Variants in BMPR1B observed in about 807,000 individuals in gnomAD.
The protein encoded by BMPR1B is bone morphogenetic protein receptor type 1B, also known as bone morphogenetic protein receptor type-1B.
A neutral mutation model predicts 59.1 loss-of-function variants in BMPR1B; 12 were observed. The ratio of observed to expected loss-of-function variants is 0.20; its 90% CI spans 0.13 to 0.33. The LOEUF (loss-of-function observed/expected upper bound fraction) is 0.33, where lower values mean the gene tolerates loss of function less well. BMPR1B is among the 10% of genes least tolerant of loss of function. The pLI is 1.00. For synonymous variants in BMPR1B, 237 were observed against 207.3 expected (o/e 1.14, Z -1.23); for missense variants, 550 against 610.9 (o/e 0.90, Z 1.05).
chr4:95,009,531 A>G (rs1457132245), intron 3 of BMPR1B, among the ~76,000 whole-genome samples: 1 of 152,194 alleles, frequency 6.6e-6, no homozygotes, highest in East Asian at 1.9e-4. Context: ...CAAAAAATAC[A>G]TACAACATGA....
intron 3 of BMPR1B, among the ~76,000 whole-genome samples, chr4:95,071,489 G>C (rs1486513253): frequency 1.3e-5 from 2 of 151,760 alleles, no homozygotes; most frequent in African/African-American, 4.8e-5. Context: ...ATCTCATACT[G>C]ATACTTTGCA....
rs10008028 is a variant in BMPR1B at position 94,820,172 on chromosome 4, G to A, written c.-182-55659G>A. ...ATCAAGACCCCCATTATGTACCTGT[G>A]GAAGGGAAGAGAGAAAGAATTTTCT... is the stretch of plus-strand genomic sequence containing the variant. On this transcript the variant is annotated intron_variant, in intron 1 of 12. Transcript: ENST00000515059. Among the ~76,000 whole-genome samples the A allele has an allele frequency of 7.4e-3, 1,133 of 152,266 alleles. 17 individuals carry two copies. The highest frequency in any genetic ancestry group is 0.026 in the African/African-American group (1,085 of 41,540).
chr4:94,808,417 G>T (rs4416484), intron 1 of BMPR1B, among the ~76,000 whole-genome samples: 8,014 of 152,130 alleles, frequency 0.053, 549 homozygotes, highest in East Asian at 0.16. Flanking sequence ...AATGGCTACT[G>T]AATGTTAGAT....
chr4:95,026,602 T>TAA (rs1208882738), intron 3 of BMPR1B, among the ~76,000 whole-genome samples: 3 of 152,146 alleles, frequency 2.0e-5, no homozygotes, highest in Non-Finnish European at 4.4e-5. Flanking sequence ...GCCCTAATCT[T>TAA]ACTTTTCTAA....
chr4:95,148,768 T>G lies in BMPR1B; in HGVS notation c.1097T>G (p.Ile366Arg), dbSNP rs1025931662. ...KFISDTNEVD[I>R]PPNTRVGTKR... ...CTTAGTGATACAAATGAAGTTGACA[T>G]ACCACCTAACACTCGAGTTGGCACC... Residue 366 changes from isoleucine to arginine, a missense_variant, in exon 11 of 13, where the codon ATA becomes AGA. Ile to Arg is a moderately conservative substitution (Grantham distance 97). This residue lies in a region of BMPR1B where 318 missense variants were observed against 284.6 expected (regional missense o/e 1.12). Transcript: ENST00000515059. 1 of 1,613,914 alleles carries G rather than the reference T, an allele frequency of 6.2e-7. No individual in the cohort carries two copies. The highest frequency in any genetic ancestry group is 1.3e-5 in the African/African-American group (1 of 74,924).
intron 3 of BMPR1B, among the ~76,000 whole-genome samples, chr4:95,015,182 G>A (rs1442278605): frequency 6.6e-6 from 1 of 152,140 alleles, no homozygotes; most frequent in Non-Finnish European, 1.5e-5. Flanking sequence ...GCTGTATGCT[G>A]TGGTGATCTT....
In BMPR1B at chr4:94,986,983, G is replaced by C. The variant is rs549084362; in HGVS notation, c.-112-9057G>C. ...GTGAACCCAGGAGGCGGAGCTTGCA[G>C]TGAGCCGAGATCGCGCCACTGCACT... On this transcript the variant is annotated intron_variant, in intron 2 of 12. Coordinates refer to ENST00000515059, the MANE Select transcript of BMPR1B (RefSeq NM_001203.3). Among the ~76,000 whole-genome samples the C allele has an allele frequency of 4.0e-5, 6 of 150,084 alleles. No individual in the cohort carries two copies. The South Asian group carries it at 1.3e-3, about 31-fold the overall frequency.
intron 2 of BMPR1B, among the ~76,000 whole-genome samples, chr4:94,930,244 T>C (rs1296444101): frequency 1.3e-5 from 2 of 152,118 alleles, no homozygotes; most frequent in African/African-American, 2.4e-5. Flanking sequence ...GAAACTTCAG[T>C]ATAACATATG....
intron 3 of BMPR1B, among the ~76,000 whole-genome samples, chr4:95,049,392 G>T (rs1726273229): frequency 1.4e-5 from 2 of 141,308 alleles, no homozygotes; most frequent in Admixed American, 1.5e-4. Context: ...GGGATTACAG[G>T]TACGAGCCAA....
chr4:94,916,204 A>G (rs1434449591), intron 2 of BMPR1B, among the ~76,000 whole-genome samples: 1 of 152,208 alleles, frequency 6.6e-6, no homozygotes, highest in Non-Finnish European at 1.5e-5. Context: ...AGGCATTACT[A>G]AAAGATAACT....
chr4:94,902,572 T>C (rs1727873462), intron 2 of BMPR1B, among the ~76,000 whole-genome samples: 1 of 151,612 alleles, frequency 6.6e-6, no homozygotes, highest in South Asian at 2.1e-4. Flanking sequence ...TAGCAAAATG[T>C]TAATATTTAG....
At chr4:95,022,821 T>G (rs1724089738) in intron 3 of BMPR1B, among the ~76,000 whole-genome samples, 1 of 152,122 alleles carries the variant, frequency 6.6e-6, no homozygotes. Flanking sequence ...CTACTGCTAA[T>G]TTAAAGGAAT....
At position 95,061,781 on chromosome 4, in the gene BMPR1B, G is replaced by C. The variant is rs1460793495; in HGVS notation, c.-17-42627G>C. On this transcript the variant is annotated intron_variant, in intron 3 of 12. Transcript: ENST00000515059. Reference sequence around the variant, plus strand: ...CTGTATGTTTAGAAAGCCAAAACAAGGTCTTTGCCACATGATATGTTTGGA... The same window carrying C: ...CTGTATGTTTAGAAAGCCAAAACAACGTCTTTGCCACATGATATGTTTGGA... 2.6e-5 allele frequency among the ~76,000 whole-genome samples: 4 copies of C among 152,210 alleles called. No homozygotes were observed. In the East Asian group the frequency reaches 7.7e-4, roughly 29 times the overall value.
intron 8 of BMPR1B, among the ~76,000 whole-genome samples, chr4:95,128,999 T>G (rs1277866436): frequency 1.3e-5 from 2 of 152,124 alleles, no homozygotes; most frequent in Non-Finnish European, 2.9e-5. Flanking sequence ...TCCCCATTCT[T>G]GGATATTTCC....
In BMPR1B at chr4:94,983,485, C is replaced by T. The variant is rs532232710; in HGVS notation, c.-112-12555C>T. 1.2e-3 allele frequency among the ~76,000 whole-genome samples: 186 copies of T among 152,198 alleles called. No homozygotes were observed. The Middle Eastern group carries it at 0.017, about 14-fold the overall frequency. On this transcript the variant is annotated intron_variant, in intron 2 of 12. Transcript: ENST00000515059. ...ACATCTTATTTTTGCCAAAAAGTTA[C>T]ATGAAATCACATTTAAAAAATTTGA...
intron 3 of BMPR1B, among the ~76,000 whole-genome samples, chr4:95,021,469 C>A (rs749016868): frequency 1.3e-5 from 2 of 152,180 alleles, no homozygotes; most frequent in Non-Finnish European, 2.9e-5. Context: ...ATTATGAAAT[C>A]AATAGCATTA....
At chr4:94,889,852 G>A (rs1370027210) in intron 2 of BMPR1B, among the ~76,000 whole-genome samples, 1 of 152,006 alleles carries the variant, frequency 6.6e-6, no homozygotes, top group African/African-American at 2.4e-5. Flanking sequence ...TTAGGAGGAG[G>A]AGGAAGAAGA....
At chr4:94,980,289 A>G (rs1383272325) in intron 2 of BMPR1B, among the ~76,000 whole-genome samples, 2 of 152,214 alleles carry the variant, frequency 1.3e-5, no homozygotes. Flanking sequence ...AAGCATGGTT[A>G]TAATAGAATA....
intron 2 of BMPR1B, among the ~76,000 whole-genome samples, chr4:94,941,441 A>AT (rs1560558457): frequency 6.6e-6 from 1 of 152,090 alleles, no homozygotes. Context: ...CAAAAAAAAA[A>AT]AAAATGAAAA....
Sources: gnomAD v4.1 joint callset for allele counts (sites outside exome capture counted in the v4.1 genomes callset) on GRCh38, gnomAD v4.1.1 for gene constraint, gnomAD v4.1.1 regional missense constraint, MANE v1.5 for transcripts, NCBI Gene and HGNC (gene_info 2026-07-23, HGNC 2026-07-21) for gene names.